The following WWOX variants were observed in gnomAD, a reference collection of about 807,000 sequenced individuals.
WWOX encodes WW domain-containing oxidoreductase.
WWOX carries 69 observed loss-of-function variants against 46.2 expected under a neutral mutation model. The ratio of observed to expected loss-of-function variants is 1.49; its 90% CI spans 1.23 to 1.82. The LOEUF is 1.82. Ranked by LOEUF, WWOX falls within the 40% of genes most tolerant of loss-of-function variation. WWOX has a pLI of 0.00. For synonymous variants in WWOX, 359 were observed against 202.6 expected (o/e 1.77, Z -6.56); for missense variants, 919 against 542.6 (o/e 1.69, Z -6.89).
intron 8 of WWOX, among the ~76,000 whole-genome samples, chr16:78,994,023 C>A (rs1473485984): frequency 6.6e-6 from 1 of 152,206 alleles, no homozygotes; most frequent in Non-Finnish European, 1.5e-5. Context: ...GTACCCTGGA[C>A]CCCTGTCCTA....
chr16:78,709,214 C>A (rs1379735724), intron 8 of WWOX, among the ~76,000 whole-genome samples: 1 of 152,154 alleles, frequency 6.6e-6, no homozygotes, highest in Non-Finnish European at 1.5e-5. Context: ...TCTGGAAAGC[C>A]CCCAGCCCTC....
intron 8 of WWOX, among the ~76,000 whole-genome samples, chr16:78,503,461 T>A (rs2667597): frequency 0.15 from 22,046 of 147,484 alleles, 1,659 homozygotes; most frequent in Non-Finnish European, 0.17. Context: ...AAAAAAAAAA[T>A]TTTTTTTTGA....
chr16:78,635,551 C>T (rs769989030), intron 8 of WWOX, among the ~76,000 whole-genome samples: 10 of 152,270 alleles, frequency 6.6e-5, no homozygotes, highest in Middle Eastern at 3.4e-3. Flanking sequence ...ACAAGTTGCT[C>T]ATCCTCTCTG....
rs144779444 is a variant in WWOX, at chr16:78,509,079, C to G, written c.1056+76327C>G. ...TGCCCTTGCACAGTGGGCACTGTTTCCAGTGTGCAGTGAGGCCCTCCCTTC... is the reference window on the plus strand; with the variant it reads ...TGCCCTTGCACAGTGGGCACTGTTTGCAGTGTGCAGTGAGGCCCTCCCTTC... On this transcript the variant is annotated intron_variant, in intron 8 of 8. Coordinates refer to ENST00000566780, the MANE Select transcript of WWOX (RefSeq NM_016373.4). Among the ~76,000 whole-genome samples the G allele has an allele frequency of 2.0e-3, 312 of 152,344 alleles. 3 individuals are homozygous for G. Among genetic ancestry groups the G allele is most frequent in the African/African-American group, 6.8e-3 (284 of 41,586 alleles).
At chr16:78,836,847 A>G (rs1417016172) in intron 8 of WWOX, among the ~76,000 whole-genome samples, 1 of 152,140 alleles carries the variant, frequency 6.6e-6, no homozygotes, top group Non-Finnish European at 1.5e-5. Flanking sequence ...GATGAAACAG[A>G]ATCTCTTAGC....
chr16:78,874,112 T>G (rs2044184534), intron 8 of WWOX, among the ~76,000 whole-genome samples: 1 of 151,336 alleles, frequency 6.6e-6, no homozygotes, highest in South Asian at 2.1e-4. Context: ...AAAAAATAGC[T>G]GGGCATGGTG....
intron 8 of WWOX, among the ~76,000 whole-genome samples, chr16:78,626,948 C>G (rs539744305): frequency 6.6e-6 from 1 of 152,090 alleles, no homozygotes; most frequent in African/African-American, 2.4e-5. Context: ...CTCCTGTGTT[C>G]TTGTGATGTA....
chr16:78,319,450 T>G (rs1292369837), intron 5 of WWOX, among the ~76,000 whole-genome samples: 2 of 151,830 alleles, frequency 1.3e-5, no homozygotes, highest in Non-Finnish European at 2.9e-5. Context: ...TTAGTAGAGG[T>G]GGGGTTTCAT....
At chr16:78,583,774 C>T (rs1357356300) in intron 8 of WWOX, among the ~76,000 whole-genome samples, 1 of 152,156 alleles carries the variant, frequency 6.6e-6, no homozygotes, top group East Asian at 1.9e-4. Context: ...AAATCAGGAG[C>T]CAAGGGCGAA....
chr16:79,046,691 A>C (rs1159632950), intron 8 of WWOX, among the ~76,000 whole-genome samples: 5 of 152,082 alleles, frequency 3.3e-5, no homozygotes, highest in Admixed American at 6.6e-5. Flanking sequence ...GAGATTTTGA[A>C]CCGACTCTGG....
chr16:78,406,892 C>T (rs140336088), intron 6 of WWOX, among the ~76,000 whole-genome samples: 12 of 152,334 alleles, frequency 7.9e-5, no homozygotes, highest in Admixed American at 4.6e-4. Context: ...TCCCAAAGTG[C>T]TGGGATTACA....
intron 8 of WWOX, among the ~76,000 whole-genome samples, chr16:78,954,560 A>G (rs1248630908): frequency 1.3e-5 from 2 of 152,198 alleles, no homozygotes; most frequent in African/African-American, 4.8e-5. Context: ...ATACTTGTGG[A>G]GCAGCAGCGA....
At chr16:78,915,976 G>A (rs1448124307) in intron 8 of WWOX, among the ~76,000 whole-genome samples, 1 of 152,224 alleles carries the variant, frequency 6.6e-6, no homozygotes, top group South Asian at 2.1e-4. Flanking sequence ...ATAGATGATA[G>A]TGGGGCCTCA....
intron 5 of WWOX, among the ~76,000 whole-genome samples, chr16:78,367,214 C>T (rs181278494): frequency 1.1e-4 from 16 of 152,092 alleles, no homozygotes; most frequent in Admixed American, 4.6e-4. Flanking sequence ...CTCCTGACCT[C>T]GTGATTCAAC....
chr16:79,151,370 C>A (rs4315347), intron 8 of WWOX, among the ~76,000 whole-genome samples: 1 of 152,030 alleles, frequency 6.6e-6, no homozygotes, highest in Non-Finnish European at 1.5e-5. Flanking sequence ...CCCCCAAATC[C>A]GTAGGCTCTT....
Position 78,621,416 on chromosome 16 carries a change from A to T in WWOX, c.1056+188664A>T, listed in dbSNP as rs541141522. On this transcript the variant is annotated intron_variant, in intron 8 of 8. Coordinates refer to ENST00000566780, the MANE Select transcript of WWOX (RefSeq NM_016373.4). ...CACCCCTTTCACCTCTCCCCTGGTA[A>T]CTGATTTATTTTTCCCTCTTGGAGT... 3.0e-3 allele frequency among the ~76,000 whole-genome samples: 459 copies of T among 151,604 alleles called. 3 individuals are homozygous for T. The highest frequency in any genetic ancestry group is 0.011 in the African/African-American group (437 of 41,262).
intron 8 of WWOX, among the ~76,000 whole-genome samples, chr16:78,767,868 A>G (rs576488830): frequency 6.6e-6 from 1 of 152,160 alleles, no homozygotes; most frequent in South Asian, 2.1e-4. Context: ...AGAAAGTAAC[A>G]TCCATTTTTG....
At chr16:78,721,823 A>T (rs75175226) in intron 8 of WWOX, among the ~76,000 whole-genome samples, 1 of 152,228 alleles carries the variant, frequency 6.6e-6, no homozygotes, top group East Asian at 1.9e-4. Flanking sequence ...ACGAATAAAG[A>T]GGCCCAACTT....
At chr16:78,254,502 G>GTTTTTTTTTTTTTTTTTTTTTTTTTTTT (rs59706959) in intron 5 of WWOX, among the ~76,000 whole-genome samples, 1 of 91,648 alleles carries the variant, frequency 1.1e-5, no homozygotes. Flanking sequence ...TTTCTTTCTT[G>GTTTTTTTTTTTTTTTTTTTTTTTTTTTT]TTTTTTTTTT....
Sources: allele counts gnomAD v4.1 joint callset (sites outside exome capture counted in the v4.1 genomes callset), GRCh38; gene constraint gnomAD v4.1.1; transcripts MANE v1.5; gene names NCBI Gene and HGNC (gene_info 2026-07-23, HGNC 2026-07-21).